The following ATP13A4 variants were observed in gnomAD, a reference collection of about 807,000 sequenced individuals.
ATP13A4 encodes the protein ATPase 13A4, also known as probable cation-transporting ATPase 13A4.
ATP13A4 carries 114 observed loss-of-function variants against 142.5 expected under a neutral mutation model. The ratio of observed to expected loss-of-function variants is 0.80; its 90% CI spans 0.69 to 0.93. The LOEUF (loss-of-function observed/expected upper bound fraction) is 0.93, where lower values mean the gene tolerates loss of function less well. ATP13A4 is among the 40% of genes least tolerant of loss of function. The probability of loss-of-function intolerance (pLI) is 0.00; values close to 1 mark genes in which losing one functional copy is unlikely to be tolerated. For synonymous variants in ATP13A4, 488 were observed against 514.8 expected (o/e 0.95, Z 0.70); for missense variants, 1,392 against 1,454.0 (o/e 0.96, Z 0.69).
rs373581279 is a variant in ATP13A4 at position 193,469,146 on chromosome 3, A to C, written c.944-1660T>G. 3.8e-4 allele frequency among the ~76,000 whole-genome samples: 58 copies of C among 152,356 alleles called. 2 individuals carry two copies. The East Asian group carries it at 6.0e-3, about 16-fold the overall frequency. On this transcript the variant is annotated intron_variant, in intron 9 of 29. Coordinates refer to ENST00000342695, the MANE Select transcript of ATP13A4 (RefSeq NM_032279.4). ...AAGAGGAAAGGCCAAGGATGTAGCC[A>C]TGAGCAGCACCAACAATTCAGGAGA...
rs201815708 is a variant in ATP13A4 at position 193,414,593 on chromosome 3, G to C, written c.3000C>G (p.Ser1000=). Residue 1000 remains serine (S), a synonymous_variant, in exon 26 of 30, where the codon TCC becomes TCG. Transcript: ENST00000342695. Reference sequence around the variant, plus strand: ...TATACTCATACCTGTGTATCTCCACGGAATACCAAGGCTGCCTCTGAACCA... The same window carrying C: ...TATACTCATACCTGTGTATCTCCACCGAATACCAAGGCTGCCTCTGAACCA... The part of the protein sequence containing the change: ...FILVQRQPWY[S]VEIHSACTVQ... The C allele has an allele frequency of 1.3e-5, 21 of 1,613,808 alleles. No individual in the cohort carries two copies. The highest frequency in any genetic ancestry group is 1.6e-5 in the Non-Finnish European group (19 of 1,179,918).
chr3:193,559,260 G>C (rs1577081117), upstream of ATP13A4, among the ~76,000 whole-genome samples: 2 of 152,174 alleles, frequency 1.3e-5, no homozygotes, highest in East Asian at 3.8e-4. Flanking sequence ...GAGTCATAAA[G>C]AGGTCACAAA....
At chr3:193,448,370 C>T (rs758654868) in intron 17 of ATP13A4, 40 bp from the exon 18 acceptor site, 1 of 1,609,460 alleles carries the variant, frequency 6.2e-7, no homozygotes, top group South Asian at 1.1e-5. Flanking sequence ...AGAAATAACA[C>T]ATATTACAGC....
intron 29 of ATP13A4, chr3:193,404,188 G>A (rs1395148884): frequency 1.5e-5 from 15 of 981,380 alleles, no homozygotes; most frequent in Non-Finnish European, 1.8e-5. Context: ...CAGGAGCATC[G>A]AGTAAAGGTT....
At position 193,404,036 on chromosome 3, in the gene ATP13A4, G is replaced by A. The variant is rs192715768; in HGVS notation, c.3379-1172C>T. The A allele has an allele frequency of 2.6e-5, 26 of 985,398 alleles. No homozygotes were observed. The African/African-American group carries it at 4.4e-4, about 17-fold the overall frequency. 61.0% of individuals were successfully genotyped at this position (985,398 alleles called of 1,614,324 possible). ...TGTGATAACTGACCATCTGCTGGCT[G>A]CGGGGCTGTTAAAGATCCATATAAC... On this transcript the variant is annotated intron_variant, in intron 29 of 29. Coordinates refer to ENST00000342695, the MANE Select transcript of ATP13A4 (RefSeq NM_032279.4).
chr3:193,493,828 T>C (rs919409389), intron 3 of ATP13A4, among the ~76,000 whole-genome samples: 5 of 152,030 alleles, frequency 3.3e-5, no homozygotes, highest in African/African-American at 1.2e-4. Context: ...TTCTTTTTAA[T>C]GAAAAGCAGT....
chr3:193,457,728 TCA>T (rs1491519945), intron 14 of ATP13A4, among the ~76,000 whole-genome samples: 1 of 152,260 alleles, frequency 6.6e-6, no homozygotes, highest in African/African-American at 2.4e-5. Context: ...GTGTAAAGGC[TCA>T]GTCTCCATTT....
intron 1 of ATP13A4, among the ~76,000 whole-genome samples, chr3:193,533,358 G>C (rs1161204450): frequency 8.5e-5 from 13 of 152,062 alleles, no homozygotes; most frequent in Non-Finnish European, 1.6e-4. Context: ...AGAAGGCTTA[G>C]AACAGTAGAA....
chr3:193,577,157 A>T (rs993676952), intron 2 of ATP13A4, among the ~76,000 whole-genome samples: 1 of 152,096 alleles, frequency 6.6e-6, no homozygotes, highest in Non-Finnish European at 1.5e-5. Flanking sequence ...TGGTAGAGTA[A>T]CTTCCTATTT....
At chr3:193,436,624 G>C (rs1211619717) in intron 23 of ATP13A4, among the ~76,000 whole-genome samples, 1 of 151,046 alleles carries the variant, frequency 6.6e-6, no homozygotes, top group Non-Finnish European at 1.5e-5. Context: ...ATTTTTTTTT[G>C]TATTTTTAAT....
intron 18 of ATP13A4, among the ~76,000 whole-genome samples, chr3:193,445,894 C>T (rs1204804600): frequency 6.6e-6 from 1 of 151,554 alleles, no homozygotes; most frequent in Non-Finnish European, 1.5e-5. Context: ...AACAACTGAA[C>T]GATTCAAAAG....
intron 24 of ATP13A4, among the ~76,000 whole-genome samples, chr3:193,434,816 G>T (rs1661192247): frequency 6.6e-6 from 1 of 151,948 alleles, no homozygotes; most frequent in African/African-American, 2.4e-5. Flanking sequence ...AAAAAAAAGT[G>T]ATCACAAGAC....
In ATP13A4 at chr3:193,421,795, T is replaced by C. The variant is rs1234423963; in HGVS notation, c.2843-7045A>G. On this transcript the variant is annotated intron_variant, in intron 25 of 29. Transcript: ENST00000342695. ...CTACAAAGCAAAAAGCTATAGCAAA[T>C]ACACAAACAATAAAGAGAAAGTAAT... 5.4e-5 allele frequency among the ~76,000 whole-genome samples: 8 copies of C among 148,948 alleles called. 2 individuals carry two copies. The highest frequency in any genetic ancestry group is 2.0e-4 in the African/African-American group (8 of 40,578).
rs981704216 is a variant in ATP13A4 at position 193,554,830 on chromosome 3, C to T, written c.-31G>A. 3.1e-6 allele frequency: 5 copies of T among 1,613,912 alleles called. No individual in the cohort carries two copies. The South Asian group carries it at 3.3e-5, about 11-fold the overall frequency. On this transcript the variant is annotated 5_prime_UTR_variant, in exon 1 of 30. Transcript: ENST00000342695. ...AGTTATTCCACACCTCCTCCCTGACCTTGTCGTGCAGACGCTTCCAGGATG... is the reference window on the plus strand; with the variant it reads ...AGTTATTCCACACCTCCTCCCTGACTTTGTCGTGCAGACGCTTCCAGGATG...
chr3:193,568,798 G>T (rs1435148006), intron 2 of ATP13A4, among the ~76,000 whole-genome samples: 1 of 152,168 alleles, frequency 6.6e-6, no homozygotes, highest in East Asian at 1.9e-4. Flanking sequence ...AAGAGAAACT[G>T]AAGGAGCTCC....
chr3:193,465,670 G>A (rs1030918901), intron 11 of ATP13A4, among the ~76,000 whole-genome samples: 1 of 152,150 alleles, frequency 6.6e-6, no homozygotes, highest in African/African-American at 2.4e-5. Context: ...CCAAAACTGG[G>A]TGTCTGATTT....
chr3:193,453,071 T>C (rs986714662), intron 17 of ATP13A4, among the ~76,000 whole-genome samples: 9 of 152,166 alleles, frequency 5.9e-5, no homozygotes, highest in Admixed American at 4.6e-4. Context: ...TATTTGTAGA[T>C]GTTGCAGCCT....
intron 18 of ATP13A4, among the ~76,000 whole-genome samples, chr3:193,447,099 G>C (rs1315209920): frequency 2.0e-5 from 3 of 152,140 alleles, no homozygotes; most frequent in Non-Finnish European, 4.4e-5. Flanking sequence ...TTCAATATGA[G>C]AAAAGAGGAA....
In ATP13A4 at chr3:193,399,076, C is replaced by T. The variant is rs1714182868; in HGVS notation, c.*3576G>A. On this transcript the variant is annotated 3_prime_UTR_variant, in exon 30 of 30. Coordinates refer to ENST00000342695, the MANE Select transcript of ATP13A4 (RefSeq NM_032279.4). The stretch of plus-strand genomic sequence containing the variant: ...CTGCAGGTGTGTATGTGAACATTTC[C>T]ATAAGCACATAAGGATACAGATGTC... 6.6e-6 allele frequency among the ~76,000 whole-genome samples: 1 copy of T among 151,988 alleles called. No individual in the cohort carries two copies. The highest frequency in any genetic ancestry group is 1.5e-5 in the Non-Finnish European group (1 of 67,998).
Sources: allele counts gnomAD v4.1 joint callset (sites outside exome capture counted in the v4.1 genomes callset), GRCh38; gene constraint gnomAD v4.1.1; transcripts MANE v1.5; gene names NCBI Gene and HGNC (gene_info 2026-07-23, HGNC 2026-07-21).